UCHL5: variants seen among roughly 807,000 people sequenced by gnomAD.
The protein encoded by UCHL5 is ubiquitin C-terminal hydrolase L5.
A neutral mutation model predicts 53.8 loss-of-function variants in UCHL5; 34 were observed. The ratio of observed to expected loss-of-function variants is 0.63; its 90% CI spans 0.48 to 0.84. UCHL5 has a LOEUF of 0.84. Among genes scored for constraint, UCHL5 ranks in the 40% least tolerant of loss-of-function variants. The pLI, the probability that UCHL5 is intolerant of heterozygous loss-of-function variation, is 0.00. For synonymous variants in UCHL5, 111 were observed against 126.3 expected, an observed-to-expected ratio of 0.88 and a Z score of 0.81; for missense variants, 290 against 385.6, an observed-to-expected ratio of 0.75 and a Z score of 2.08.
At chr1:193,037,424 G>C (rs1371140142) in intron 3 of UCHL5, among the ~76,000 whole-genome samples, 3 of 151,850 alleles carry the variant, frequency 2.0e-5, no homozygotes, top group Non-Finnish European at 4.4e-5. Context: ...AACCTACCAA[G>C]ACTGAACCAG....
chr1:193,014,841 T>C lies in UCHL5; in HGVS notation c.*1510A>G, dbSNP rs562237955. ...GCCAGTATCACACTGTATTGATTAC[T>C]AAATACAACTTACCACAATAATCCT... On this transcript the variant is annotated 3_prime_UTR_variant, in exon 11 of 11. Transcript: ENST00000367454. The C allele has an allele frequency of 1.3e-5, 2 of 152,152 alleles. No homozygotes were observed. The highest frequency in any genetic ancestry group is 2.9e-5 in the Non-Finnish European group (2 of 67,998). 9.4% of individuals were successfully genotyped at this position (152,152 alleles called of 1,614,324 possible). A position where few individuals can be genotyped will look rare whatever the true frequency, so the allele number is the denominator to read the frequency against.
At chr1:193,051,870 C>A in intron 1 of UCHL5, 53 bp from the exon 2 acceptor site, 1 of 1,313,290 alleles carries the variant, frequency 7.6e-7, no homozygotes, top group Non-Finnish European at 1.1e-6. Flanking sequence ...TTTTTTCCTT[C>A]AACATGAAAT....
chr1:193,058,499 C>G (rs1160840010), intron 1 of UCHL5, among the ~76,000 whole-genome samples: 1 of 152,218 alleles, frequency 6.6e-6, no homozygotes, highest in Non-Finnish European at 1.5e-5. Context: ...TTATTTAGGA[C>G]GAAAGGCACT....
chr1:193,059,371 C>G (rs530753177), upstream of UCHL5: 3 of 1,606,390 alleles, frequency 1.9e-6, no homozygotes, highest in African/African-American at 1.3e-5. This position sits in a 1 kb window ranked among gnomAD's most constrained non-coding sequence, Gnocchi z 4.9. Context: ...GTCAACCACA[C>G]GTCACCCCGC....
At chr1:193,059,477 G>A (rs747836649), upstream of UCHL5, 1 of 1,606,630 alleles carries the variant, frequency 6.2e-7, no homozygotes. This position sits in a 1 kb window ranked among gnomAD's most constrained non-coding sequence, Gnocchi z 4.9. Flanking sequence ...CTCTTCCCAG[G>A]CCTTGCAGCA....
chr1:193,059,862 C>T (rs369587188), upstream of UCHL5: 562 of 1,364,054 alleles, frequency 4.1e-4, 2 homozygotes, highest in African/African-American at 7.9e-3. This position sits in a 1 kb window ranked among gnomAD's most constrained non-coding sequence, Gnocchi z 4.9. Context: ...ATGTCTCTCA[C>T]CCGCATCCCA....
intron 3 of UCHL5, among the ~76,000 whole-genome samples, chr1:193,042,759 T>A (rs539280652): frequency 2.0e-5 from 3 of 152,204 alleles, no homozygotes; most frequent in Non-Finnish European, 4.4e-5. Context: ...AACACTTCAG[T>A]AACTTTCTAT....
chr1:193,025,264 T>G (rs1404824473), intron 7 of UCHL5, among the ~76,000 whole-genome samples: 1 of 152,222 alleles, frequency 6.6e-6, no homozygotes, highest in Admixed American at 6.5e-5. Context: ...TTGAAAAATC[T>G]GTGACCTCAC....
intron 10 of UCHL5, among the ~76,000 whole-genome samples, chr1:193,019,679 T>C (rs987436035): frequency 6.6e-6 from 1 of 151,750 alleles, no homozygotes; most frequent in African/African-American, 2.4e-5. Context: ...ATAATTATTC[T>C]AATGTTAAGC....
At chr1:193,040,990 T>TG (rs1452344754) in intron 3 of UCHL5, among the ~76,000 whole-genome samples, 1 of 151,752 alleles carries the variant, frequency 6.6e-6, no homozygotes, top group African/African-American at 2.4e-5. Context: ...CTGGGAAGGG[T>TG]GGGGTGGTGA....
At chr1:193,059,757 G>A (rs1672262660), upstream of UCHL5, 1 of 1,356,054 alleles carries the variant, frequency 7.4e-7, no homozygotes. The surrounding 1 kb of genome is among the most constrained non-coding windows in gnomAD (Gnocchi z 4.9). Flanking sequence ...CGGATCCAGG[G>A]GGTCGGCTGC....
At position 193,041,753 on chromosome 1, in the gene UCHL5, C is replaced by T. The variant is rs565014574; in HGVS notation, c.246+7993G>A. Among the ~76,000 whole-genome samples the T allele has an allele frequency of 1.2e-4, 19 of 152,212 alleles. 1 individual carries two copies. In the South Asian group the frequency reaches 3.5e-3, roughly 28 times the overall value. Reference sequence around the variant, plus strand: ...AGTAAACTGTAGCATGTTAGTGCAGCTGGTATCATATAGCATGCAAAATAA... The same window carrying T: ...AGTAAACTGTAGCATGTTAGTGCAGTTGGTATCATATAGCATGCAAAATAA... On this transcript the variant is annotated intron_variant, in intron 3 of 10. Coordinates refer to ENST00000367454, the MANE Select transcript of UCHL5 (RefSeq NM_001199261.3).
intron 3 of UCHL5, among the ~76,000 whole-genome samples, chr1:193,040,019 ATAAGACTTGAAATTATGAAGCTACT>A (rs1664997380): frequency 6.6e-6 from 1 of 152,206 alleles, no homozygotes; most frequent in Non-Finnish European, 1.5e-5. Flanking sequence ...AGACTTAAAT[ATAAGACTTGAAATTATGAAGCTACT>A]ATAAGAAAAC....
chr1:193,036,222 C>T (rs1386816786), intron 3 of UCHL5, among the ~76,000 whole-genome samples: 1 of 143,596 alleles, frequency 7.0e-6, no homozygotes, highest in Non-Finnish European at 1.5e-5. Flanking sequence ...TATAAAACCC[C>T]ATAATATGGT....
intron 3 of UCHL5, among the ~76,000 whole-genome samples, chr1:193,035,220 T>G (rs1662931038): frequency 6.6e-6 from 1 of 151,960 alleles, no homozygotes. Context: ...GAAAGTGAAC[T>G]GCCTGTCTTT....
At chr1:193,059,758 G>T (rs371900922), upstream of UCHL5, 3 of 1,355,966 alleles carry the variant, frequency 2.2e-6, no homozygotes, top group African/African-American at 1.5e-5. The surrounding 1 kb of genome is among the most constrained non-coding windows in gnomAD (Gnocchi z 4.9). Context: ...GGATCCAGGG[G>T]GTCGGCTGCC....
In UCHL5 at chr1:193,046,302, A is replaced by T. The variant is rs188106803; in HGVS notation, c.246+3444T>A. 8.5e-4 allele frequency among the ~76,000 whole-genome samples: 129 copies of T among 152,288 alleles called. 1 individual carries two copies. Among genetic ancestry groups the T allele is most frequent in the African/African-American group, 2.8e-3 (118 of 41,562 alleles). ...CACCTCAGCCTTCCAAAATGATAGG[A>T]TTACAAACATGAGCCACCATGCCCG... is the stretch of plus-strand genomic sequence containing the variant. On this transcript the variant is annotated intron_variant, in intron 3 of 10. Coordinates refer to ENST00000367454, the MANE Select transcript of UCHL5 (RefSeq NM_001199261.3).
At chr1:193,024,002 G>T in intron 7 of UCHL5, 56 bp from the exon 8 acceptor site, 2 of 1,226,432 alleles carry the variant, frequency 1.6e-6, no homozygotes, top group Admixed American at 2.2e-5. Flanking sequence ...AACTATTACC[G>T]TTAAGATAAT....
chr1:193,049,738 G>C lies in UCHL5; in HGVS notation c.246+8C>G. 1 of 1,605,874 alleles carries C rather than the reference G, an allele frequency of 6.2e-7. No individual in the cohort carries two copies. Among genetic ancestry groups the C allele is most frequent in the Admixed American group, 1.7e-5 (1 of 58,910 alleles). ...CTTGAGACTTTTCAGAGTATCCAAG[G>C]ACCATACCTGCTTAGCAAAAAATAT... On this transcript the variant is annotated splice_region_variant and intron_variant, in intron 3 of 10. Transcript: ENST00000367454.
Sources: allele counts gnomAD v4.1 joint callset (sites outside exome capture counted in the v4.1 genomes callset), GRCh38; gene constraint gnomAD v4.1.1; non-coding constraint Gnocchi (gnomAD v3.1); transcripts MANE v1.5; gene names NCBI Gene and HGNC (gene_info 2026-07-23, HGNC 2026-07-21).